IPO7: variants seen among roughly 807,000 people sequenced by gnomAD.
The protein encoded by IPO7 is importin-7.
Under a neutral mutation model 136.4 loss-of-function variants are expected in IPO7, and 13 were observed. That is an observed-to-expected ratio of 0.10 (90% CI 0.06 to 0.15). IPO7 has a LOEUF of 0.15. IPO7 is among the 10% of genes least tolerant of loss of function. The pLI, the probability that IPO7 is intolerant of heterozygous loss-of-function variation, is 1.00. For missense variants in IPO7, 857 were observed against 1,240.6 expected, an observed-to-expected ratio of 0.69 and a Z score of 4.65; for synonymous variants, 403 against 404.4, an observed-to-expected ratio of 1.00 and a Z score of 0.04.
intron 5 of IPO7, 142 bp from the exon 6 acceptor site, chr11:9,416,917 C>G: frequency 2.2e-6 from 1 of 451,612 alleles, no homozygotes; most frequent in Non-Finnish European, 4.0e-6. Flanking sequence ...TTATAGATAA[C>G]AAGCAAAGAA....
At chr11:9,393,769 AAAAG>A (rs1212963226) in intron 1 of IPO7, among the ~76,000 whole-genome samples, 4 of 152,232 alleles carry the variant, frequency 2.6e-5, no homozygotes. Flanking sequence ...ATTTTTAGAA[AAAAG>A]AAAGGGGTGT....
chr11:9,398,709 A>T (rs755985165), intron 1 of IPO7, among the ~76,000 whole-genome samples: 13 of 152,238 alleles, frequency 8.5e-5, no homozygotes, highest in Non-Finnish European at 1.9e-4. Context: ...TATTCATCTC[A>T]AATGTATATC....
In IPO7 at chr11:9,441,519, GAGTCTTCTA is replaced by G. The variant is rs1407170463; in HGVS notation, c.2903-559_2903-551del. 5.9e-5 allele frequency among the ~76,000 whole-genome samples: 9 copies of G among 152,282 alleles called. No individual in the cohort carries two copies. The East Asian group carries it at 1.7e-3, about 29-fold the overall frequency. ...TACATTATCTGATAACCAAGGATTT[GAGTCTTCTA>G]AGCCCATGACAAGGCAGTTTTGATG... On this transcript the variant is annotated intron_variant, in intron 23 of 24. Transcript: ENST00000379719.
intron 1 of IPO7, among the ~76,000 whole-genome samples, chr11:9,399,400 A>G (rs1226530956): frequency 2.0e-5 from 3 of 152,100 alleles, no homozygotes; most frequent in African/African-American, 4.8e-5. Flanking sequence ...ACCTCAGGTG[A>G]TCCACCCGCC....
Position 9,397,341 on chromosome 11 carries a change from A to AAAAAATATATATATAT in IPO7, c.85-5948_85-5947insAAAATATATATATATA. On this transcript the variant is annotated intron_variant, in intron 1 of 24. Transcript: ENST00000379719. ...CTTTACTAAAAATAATTTAAAAAAA[A>AAAAAATATATATATAT]ATATATATATATATATATATATATT... Among the ~76,000 whole-genome samples, 27 of 10,762 alleles carry AAAAAATATATATATAT rather than the reference A, an allele frequency of 2.5e-3. 3 individuals are homozygous for AAAAAATATATATATAT. The highest frequency in any genetic ancestry group is 0.013 in the Admixed American group (6 of 480). The allele number at this position is 10,762 out of a possible 152,430, so 7.1% of individuals were successfully genotyped here.
Position 9,434,991 on chromosome 11 carries a change from A to G in IPO7, c.2132A>G (p.Asp711Gly). 2 of 1,608,732 alleles carry G rather than the reference A, an allele frequency of 1.2e-6. No individual in the cohort carries two copies. The highest frequency in any genetic ancestry group is 2.2e-5 in the South Asian group (2 of 90,948). Residue 711 changes from aspartate (D) to glycine (G), a missense_variant, in exon 19 of 25, where the codon GAC (aspartate) becomes GGC (glycine). Physicochemically the swap from Asp to Gly is moderately conservative, Grantham distance 94 (BLOSUM62 -1). This residue lies in a region of IPO7 where 190 missense variants were observed against 249.0 expected (regional missense o/e 0.76). Transcript: ENST00000379719. Reference sequence around the variant, plus strand: ...GTTGATACAGACACACTTCTGTCTGACACCAAGTATCTTGAAATGATATAC... The same window carrying G: ...GTTGATACAGACACACTTCTGTCTGGCACCAAGTATCTTGAAATGATATAC... ...VTVDTDTLLSDTKYLEMIYSM... is the reference protein window; with the variant it reads ...VTVDTDTLLSGTKYLEMIYSM...
intron 23 of IPO7, 98 bp downstream of exon 23, chr11:9,440,759 A>C: frequency 1.0e-6 from 1 of 962,588 alleles, no homozygotes; most frequent in East Asian, 2.5e-5. Context: ...TATCAAACCC[A>C]GACTAGAAAA....
intron 1 of IPO7, among the ~76,000 whole-genome samples, 188 bp downstream of exon 1, chr11:9,385,035 C>T (rs1388290569): frequency 6.6e-6 from 1 of 152,098 alleles, no homozygotes; most frequent in African/African-American, 2.4e-5. Context: ...TGGCTGCAGC[C>T]AAGGCTGCCT....
intron 14 of IPO7, among the ~76,000 whole-genome samples, 162 bp from the exon 15 acceptor site, chr11:9,429,510 AAT>A (rs746116534): frequency 1.4e-4 from 21 of 149,840 alleles, no homozygotes; most frequent in Non-Finnish European, 1.2e-4. Flanking sequence ...CCTCTTATAA[AAT>A]ATATATATAT....
intron 5 of IPO7, among the ~76,000 whole-genome samples, chr11:9,416,208 A>G (rs553512289): frequency 2.6e-5 from 4 of 152,332 alleles, no homozygotes; most frequent in East Asian, 1.9e-4. Context: ...CTTCACCTCC[A>G]TTAAGACTGT....
At chr11:9,401,859 A>G (rs1308300882) in intron 1 of IPO7, among the ~76,000 whole-genome samples, 1 of 152,208 alleles carries the variant, frequency 6.6e-6, no homozygotes, top group Non-Finnish European at 1.5e-5. Flanking sequence ...GCACTCTTGT[A>G]TAAAACAGCA....
At chr11:9,418,418 C>T (rs763796121) in intron 6 of IPO7, among the ~76,000 whole-genome samples, 2 of 152,010 alleles carry the variant, frequency 1.3e-5, no homozygotes, top group Non-Finnish European at 2.9e-5. Context: ...CTTATTTAAC[C>T]CTCAAAATCC....
At chr11:9,397,361 T>TATATATATATATATATATATATATA (rs377148636) in intron 1 of IPO7, among the ~76,000 whole-genome samples, 9 of 42,268 alleles carry the variant, frequency 2.1e-4, no homozygotes, top group Admixed American at 3.0e-4. Flanking sequence ...TATATATATA[T>TATATATATATATATATATATATATA]ATATTAGTCG....
rs1765839772 is a variant in IPO7 at position 9,416,553 on chromosome 11, T to TA, written c.637-502dup. 4.6e-5 allele frequency among the ~76,000 whole-genome samples: 7 copies of TA among 152,298 alleles called. 1 individual carries two copies. Among genetic ancestry groups the TA allele is most frequent in the African/African-American group, 1.7e-4 (7 of 41,586 alleles). On this transcript the variant is annotated intron_variant, in intron 5 of 24. Transcript: ENST00000379719. ...GTCTCACTTGTGAAAATAGATGTCC[T>TA]AAAATCCCAAATTGGATAACTTTTT...
intron 15 of IPO7, 75 bp from the exon 16 acceptor site, chr11:9,430,800 G>C (rs1172965798): frequency 7.9e-7 from 1 of 1,260,842 alleles, no homozygotes; most frequent in Non-Finnish European, 1.1e-6. Context: ...AACGTTCTAA[G>C]AATTAAAAGT....
At chr11:9,426,909 G>C (rs890581632) in intron 12 of IPO7, among the ~76,000 whole-genome samples, 2 of 149,438 alleles carry the variant, frequency 1.3e-5, no homozygotes, top group East Asian at 2.1e-4. Flanking sequence ...CCGCCTCCCC[G>C]CCCCCCCGCC....
intron 9 of IPO7, 86 bp from the exon 10 acceptor site, chr11:9,423,691 T>A: frequency 1.3e-6 from 1 of 769,590 alleles, no homozygotes; most frequent in Non-Finnish European, 2.2e-6. Context: ...ACATATAGTG[T>A]TACTTTGGTT....
chr11:9,440,623 C>A lies in IPO7; in HGVS notation c.2864C>A (p.Pro955His). 1 of 1,613,486 alleles carries A rather than the reference C, an allele frequency of 6.2e-7. No individual in the cohort carries two copies. Among genetic ancestry groups the A allele is most frequent in the Non-Finnish European group, 8.5e-7 (1 of 1,179,502 alleles). The change falls in exon 23 of 25, where the codon CCT becomes CAT. Residue 955 changes from proline to histidine, a missense_variant. Coordinates refer to ENST00000379719, the MANE Select transcript of IPO7 (RefSeq NM_006391.3). The stretch of plus-strand genomic sequence containing the variant: ...ACAATCATTGATGATGAAGATAACC[C>A]TGTTGATGAGTATCAGATATTTAAA... ...YSTIIDDEDN[P>H]VDEYQIFKAI...
intron 5 of IPO7, among the ~76,000 whole-genome samples, chr11:9,415,188 G>T (rs999302957): frequency 6.6e-6 from 1 of 151,832 alleles, no homozygotes; most frequent in Admixed American, 6.6e-5. Flanking sequence ...CAGGCTTGGT[G>T]GTACATACCT....
Sources: allele counts gnomAD v4.1 joint callset (sites outside exome capture counted in the v4.1 genomes callset), GRCh38; gene constraint gnomAD v4.1.1; regional missense constraint gnomAD v4.1.1; transcripts MANE v1.5; gene names NCBI Gene and HGNC (gene_info 2026-07-23, HGNC 2026-07-21).